The following RUNX1 variants were observed in gnomAD, a reference collection of about 807,000 sequenced individuals.
RUNX1 encodes RUNX family transcription factor 1.
Under a neutral mutation model 42.8 loss-of-function variants are expected in RUNX1, and 19 were observed. That is an observed-to-expected ratio of 0.44 (90% CI 0.31 to 0.65). The LOEUF (loss-of-function observed/expected upper bound fraction) is 0.65, where lower values mean the gene tolerates loss of function less well. Among genes scored for constraint, RUNX1 ranks in the 30% least tolerant of loss-of-function variants. The pLI is 0.07. For synonymous variants in RUNX1, 271 were observed against 289.4 expected (o/e 0.94, Z 0.64); for missense variants, 528 against 672.0 (o/e 0.79, Z 2.37).
At chr21:34,965,245 C>T (rs2058710673) in intron 2 of RUNX1, among the ~76,000 whole-genome samples, 1 of 151,642 alleles carries the variant, frequency 6.6e-6, no homozygotes, top group Non-Finnish European at 1.5e-5. Context: ...CTGCCATGCA[C>T]ATCCACACAT....
At chr21:34,829,674 C>T (rs1239042411) in intron 7 of RUNX1, among the ~76,000 whole-genome samples, 1 of 152,122 alleles carries the variant, frequency 6.6e-6, no homozygotes, top group East Asian at 1.9e-4. Context: ...CATTAAATGA[C>T]CATTTATAGA....
rs568476884 is a variant in RUNX1 at position 34,977,139 on chromosome 21, C to T, written c.58+71703G>A. 4.6e-5 allele frequency among the ~76,000 whole-genome samples: 7 copies of T among 152,224 alleles called. No individual in the cohort carries two copies. The East Asian group carries it at 1.3e-3, about 29-fold the overall frequency. Reference sequence around the variant, plus strand: ...GTTGCTGCCGTTTTACTGACTATGGCTATTGTGTGAATTTCTGTTTAATCA... The same window carrying T: ...GTTGCTGCCGTTTTACTGACTATGGTTATTGTGTGAATTTCTGTTTAATCA... On this transcript the variant is annotated intron_variant, in intron 2 of 8. Transcript: ENST00000675419.
chr21:34,864,030 C>T (rs1395198085), intron 5 of RUNX1, among the ~76,000 whole-genome samples: 1 of 152,220 alleles, frequency 6.6e-6, no homozygotes, highest in Admixed American at 6.5e-5. Flanking sequence ...CTGCCTTACA[C>T]GTCCTTTGTA....
At chr21:34,894,076 T>C (rs187783619) in intron 2 of RUNX1, among the ~76,000 whole-genome samples, 5 of 152,284 alleles carry the variant, frequency 3.3e-5, no homozygotes, top group African/African-American at 1.2e-4. Context: ...AACTAATCAT[T>C]TGCACTAATT....
At chr21:35,034,809 G>A (rs1318885588) in intron 2 of RUNX1, among the ~76,000 whole-genome samples, 1 of 152,168 alleles carries the variant, frequency 6.6e-6, no homozygotes, top group East Asian at 1.9e-4. Context: ...CCTTGACCAT[G>A]GGAGCTGAGT....
In RUNX1 at chr21:35,048,739, T is replaced by C. The variant is rs8133634; in HGVS notation, c.58+103A>G. On this transcript the variant is annotated intron_variant, in intron 2 of 8. Coordinates refer to ENST00000675419, the MANE Select transcript of RUNX1 (RefSeq NM_001754.5). ...TCCTCTCACAAACAAGACAGGGAACTGGCAGGCACCGAGGCATCTCTGCAC... is the reference window on the plus strand; with the variant it reads ...TCCTCTCACAAACAAGACAGGGAACCGGCAGGCACCGAGGCATCTCTGCAC... The C allele has an allele frequency of 0.51, 470,976 of 920,246 alleles. 124,415 individuals are homozygous for C. The highest frequency in any genetic ancestry group is 0.81 in the African/African-American group (50,380 of 61,892). The allele number at this position is 920,246 out of a possible 1,614,324, so 57.0% of individuals were successfully genotyped here. A position where few individuals can be genotyped will look rare whatever the true frequency, so the allele number is the denominator to read the frequency against.
At chr21:35,046,399 C>A (rs1275389868) in intron 2 of RUNX1, among the ~76,000 whole-genome samples, 4 of 152,180 alleles carry the variant, frequency 2.6e-5, no homozygotes, top group African/African-American at 9.7e-5. Context: ...TGATAAAGTA[C>A]CATCCCAGGA....
intron 2 of RUNX1, among the ~76,000 whole-genome samples, chr21:35,029,125 C>T (rs547160312): frequency 5.3e-5 from 8 of 152,302 alleles, no homozygotes; most frequent in African/African-American, 1.9e-4. Context: ...ATCTCTGCTC[C>T]ACCATCTCTT....
chr21:34,898,146 G>A (rs563959514), intron 2 of RUNX1, among the ~76,000 whole-genome samples: 4 of 152,268 alleles, frequency 2.6e-5, no homozygotes, highest in Admixed American at 2.6e-4. Flanking sequence ...CCATGGAATT[G>A]CATTCTGCCA....
At chr21:34,839,233 T>C (rs181793993) in intron 6 of RUNX1, among the ~76,000 whole-genome samples, 3 of 151,674 alleles carry the variant, frequency 2.0e-5, no homozygotes, top group Admixed American at 2.0e-4. Context: ...ACACACACTC[T>C]CAACACCCAC....
chr21:34,788,229 G>A lies in RUNX1; in HGVS notation c.*3906C>T. On this transcript the variant is annotated 3_prime_UTR_variant, in exon 9 of 9. Transcript: ENST00000675419. ...CACAAATAGACCCTAGGTGGGGGCT[G>A]GCTTAAATAGGACCACATTTCCCGT... 1 of 233,632 alleles carries A rather than the reference G, an allele frequency of 4.3e-6. No homozygotes were observed. The highest frequency in any genetic ancestry group is 2.2e-5 in the African/African-American group (1 of 45,462). The allele number at this position is 233,632 out of a possible 1,614,324, so 14.5% of individuals were successfully genotyped here.
At chr21:34,870,967 A>G (rs1050990903) in intron 5 of RUNX1, among the ~76,000 whole-genome samples, 6 of 152,140 alleles carry the variant, frequency 3.9e-5, no homozygotes, top group Non-Finnish European at 5.9e-5. Flanking sequence ...AAAAAAAAAC[A>G]AAAACAAAAA....
intron 2 of RUNX1, among the ~76,000 whole-genome samples, chr21:35,020,117 C>A (rs546404648): frequency 6.6e-6 from 1 of 152,126 alleles, no homozygotes; most frequent in African/African-American, 2.4e-5. Context: ...AATAAAAAAA[C>A]TGAAAAAGTA....
chr21:35,009,041 GGTCT>G, intron 2 of RUNX1, among the ~76,000 whole-genome samples: 1 of 152,292 alleles, frequency 6.6e-6, no homozygotes, highest in South Asian at 2.1e-4. Flanking sequence ...AATTATCAGT[GGTCT>G]CCCTGTTGGC....
At position 34,819,036 on chromosome 21, in the gene RUNX1, T is replaced by A. The variant is rs536814519; in HGVS notation, c.805+15374A>T. Among the ~76,000 whole-genome samples, 4 of 152,304 alleles carry A rather than the reference T, an allele frequency of 2.6e-5. No individual in the cohort carries two copies. In the South Asian group the frequency reaches 8.3e-4, roughly 32 times the overall value. On this transcript the variant is annotated intron_variant, in intron 7 of 8. Coordinates refer to ENST00000675419, the MANE Select transcript of RUNX1 (RefSeq NM_001754.5). Reference sequence around the variant, plus strand: ...TGGTATCTGTGTGACCCTGGGCAAGTCTCTTAACCTCTCTGGGCTCATCCA... The same window carrying A: ...TGGTATCTGTGTGACCCTGGGCAAGACTCTTAACCTCTCTGGGCTCATCCA...
At chr21:34,887,698 A>G in intron 3 of RUNX1, 1 of 1,063,878 alleles carries the variant, frequency 9.4e-7, no homozygotes, top group Non-Finnish European at 1.1e-6. Context: ...GTGCACGTAT[A>G]TATAAATATA....
At chr21:35,001,284 T>A (rs1296803303) in intron 2 of RUNX1, among the ~76,000 whole-genome samples, 1 of 126,790 alleles carries the variant, frequency 7.9e-6, no homozygotes, top group Admixed American at 7.8e-5. Context: ...GTTTTTGGCC[T>A]ATTATTTTTT....
At chr21:35,001,406 A>G (rs1405258731) in intron 2 of RUNX1, among the ~76,000 whole-genome samples, 1 of 151,560 alleles carries the variant, frequency 6.6e-6, no homozygotes, top group Non-Finnish European at 1.5e-5. Flanking sequence ...TTACATTCAC[A>G]ATGTTGGCAA....
At chr21:34,863,103 G>A (rs2057600707) in intron 5 of RUNX1, among the ~76,000 whole-genome samples, 1 of 152,180 alleles carries the variant, frequency 6.6e-6, no homozygotes, top group Non-Finnish European at 1.5e-5. Flanking sequence ...TATTGTTCTT[G>A]ATGAATAGGT....
Sources: gnomAD v4.1 joint callset for allele counts (sites outside exome capture counted in the v4.1 genomes callset) on GRCh38, gnomAD v4.1.1 for gene constraint, MANE v1.5 for transcripts, NCBI Gene and HGNC (gene_info 2026-07-23, HGNC 2026-07-21) for gene names.